Variants in PTPRD observed in about 807,000 individuals in gnomAD.
The protein encoded by PTPRD is protein tyrosine phosphatase receptor type D, also known as receptor-type tyrosine-protein phosphatase delta.
Under a neutral mutation model 214.5 loss-of-function variants are expected in PTPRD, and 34 were observed. That is an observed-to-expected ratio of 0.16 (90% confidence interval 0.12 to 0.21). PTPRD has a LOEUF of 0.21. Among genes scored for constraint, PTPRD ranks in the 10% least tolerant of loss-of-function variants. The pLI is 1.00. For missense variants in PTPRD, 2,545 were observed against 2,398.7 expected (o/e 1.06, Z -1.27); for synonymous variants, 1,128 against 845.7 (o/e 1.33, Z -5.79).
chr9:10,013,346 T>G (rs1400191870), intron 4 of PTPRD, among the ~76,000 whole-genome samples: 1 of 151,952 alleles, frequency 6.6e-6, no homozygotes, highest in African/African-American at 2.4e-5. Flanking sequence ...TGTATTCAAA[T>G]GTAAATTTAA....
intron 5 of PTPRD, among the ~76,000 whole-genome samples, chr9:9,786,753 C>G (rs1052743492): frequency 6.6e-6 from 1 of 151,850 alleles, no homozygotes; most frequent in Non-Finnish European, 1.5e-5. Context: ...GCACATGTAC[C>G]CTAGAACTTA....
At chr9:10,533,829 C>T (rs1208657989) in intron 2 of PTPRD, among the ~76,000 whole-genome samples, 1 of 151,714 alleles carries the variant, frequency 6.6e-6, no homozygotes, top group Admixed American at 6.6e-5. Context: ...CATCTGAACA[C>T]TAGTGACCTA....
intron 11 of PTPRD, among the ~76,000 whole-genome samples, chr9:8,979,331 A>G (rs2099292189): frequency 6.6e-6 from 1 of 152,142 alleles, no homozygotes; most frequent in Admixed American, 6.6e-5. Flanking sequence ...TGGGCTTGGC[A>G]ATGGTTTTTT....
chr9:10,407,735 AT>A (rs1266556071), intron 2 of PTPRD, among the ~76,000 whole-genome samples: 7 of 151,536 alleles, frequency 4.6e-5, no homozygotes, highest in Non-Finnish European at 8.9e-5. Flanking sequence ...ATGTATAATG[AT>A]TTTTCTAATA....
At chr9:9,912,721 T>C (rs1421690911) in intron 5 of PTPRD, among the ~76,000 whole-genome samples, 1 of 152,212 alleles carries the variant, frequency 6.6e-6, no homozygotes, top group Non-Finnish European at 1.5e-5. Context: ...AATAAAATGA[T>C]GTCAGAAGCC....
At chr9:9,271,899 C>A (rs1316484805) in intron 9 of PTPRD, among the ~76,000 whole-genome samples, 3 of 151,268 alleles carry the variant, frequency 2.0e-5, no homozygotes, top group African/African-American at 4.8e-5. Context: ...GCAGCAGTTC[C>A]TTAAAGGTTT....
chr9:10,554,276 G>A (rs1202575693), intron 2 of PTPRD, among the ~76,000 whole-genome samples: 2 of 152,048 alleles, frequency 1.3e-5, no homozygotes, highest in African/African-American at 4.8e-5. Flanking sequence ...TACTTCTCTG[G>A]TGAAGTCATT....
intron 3 of PTPRD, among the ~76,000 whole-genome samples, chr9:10,276,321 C>A (rs1016338510): frequency 1.3e-5 from 2 of 152,170 alleles, no homozygotes; most frequent in African/African-American, 4.8e-5. Context: ...ACATTCCTTC[C>A]TTTCTTTGAT....
At chr9:9,133,018 G>A (rs117823788) in intron 10 of PTPRD, among the ~76,000 whole-genome samples, 1 of 152,036 alleles carries the variant, frequency 6.6e-6, no homozygotes, top group African/African-American at 2.4e-5. Flanking sequence ...TTACTCTAAG[G>A]GTAGTGATTT....
At chr9:9,566,838 G>T (rs549769516) in intron 8 of PTPRD, among the ~76,000 whole-genome samples, 2 of 151,952 alleles carry the variant, frequency 1.3e-5, no homozygotes, top group African/African-American at 4.8e-5. Flanking sequence ...AAAAATGAAA[G>T]AAATGCTCCG....
chr9:9,345,820 A>G (rs960181571), intron 9 of PTPRD, among the ~76,000 whole-genome samples: 20 of 152,200 alleles, frequency 1.3e-4, no homozygotes, highest in African/African-American at 4.8e-4. Context: ...TAGATTAACA[A>G]ACATTAGGTT....
intron 5 of PTPRD, among the ~76,000 whole-genome samples, chr9:9,914,896 G>A (rs2080257877): frequency 6.6e-6 from 1 of 152,126 alleles, no homozygotes; most frequent in East Asian, 1.9e-4. Context: ...TGGAAGACAT[G>A]CTTCCAGGCT....
chr9:10,142,448 T>A (rs1319770420), intron 3 of PTPRD, among the ~76,000 whole-genome samples: 2 of 151,746 alleles, frequency 1.3e-5, no homozygotes, highest in Non-Finnish European at 2.9e-5. Flanking sequence ...AACAACTCCA[T>A]CAAAAAGTGG....
intron 12 of PTPRD, among the ~76,000 whole-genome samples, chr9:8,720,085 C>T (rs756679073): frequency 6.6e-6 from 1 of 152,194 alleles, no homozygotes. Context: ...CCCTCCAGGC[C>T]TCAGCTAGAA....
At chr9:10,567,958 AT>A (rs1340569229) in intron 2 of PTPRD, among the ~76,000 whole-genome samples, 1 of 149,512 alleles carries the variant, frequency 6.7e-6, no homozygotes, top group Non-Finnish European at 1.5e-5. Flanking sequence ...TTTATTTGTT[AT>A]TTTTTAAAAT....
chr9:9,397,641 T>G (rs553283906), intron 8 of PTPRD, among the ~76,000 whole-genome samples, 159 bp from the exon 9 acceptor site: 1 of 152,160 alleles, frequency 6.6e-6, no homozygotes, highest in Admixed American at 6.6e-5. Context: ...TTATTTCAGA[T>G]GAAAGTGTTT....
chr9:10,413,228 A>G (rs2098455418), intron 2 of PTPRD, among the ~76,000 whole-genome samples: 1 of 151,946 alleles, frequency 6.6e-6, no homozygotes, highest in African/African-American at 2.4e-5. Context: ...TCAACCCAAA[A>G]GCTCTTTCAG....
intron 3 of PTPRD, among the ~76,000 whole-genome samples, chr9:10,088,710 A>G (rs1467620786): frequency 2.6e-5 from 4 of 151,802 alleles, no homozygotes; most frequent in Non-Finnish European, 5.9e-5. Context: ...TTTATAAAAT[A>G]GACAGAAACA....
At chr9:9,099,964 C>T (rs1306373336) in intron 10 of PTPRD, among the ~76,000 whole-genome samples, 12 of 151,954 alleles carry the variant, frequency 7.9e-5, no homozygotes, top group Admixed American at 7.9e-4. Context: ...TAGTGTGTGA[C>T]GTTAATATGC....
Sources: allele counts gnomAD v4.1 joint callset (sites outside exome capture counted in the v4.1 genomes callset), GRCh38; gene constraint gnomAD v4.1.1; transcripts MANE v1.5; gene names NCBI Gene and HGNC (gene_info 2026-07-23, HGNC 2026-07-21).